KIRREL3: variants seen among roughly 807,000 people sequenced by gnomAD.
KIRREL3 encodes kin of IRRE-like protein 3.
KIRREL3 carries 36 observed loss-of-function variants against 89.7 expected under a neutral mutation model. The ratio of observed to expected loss-of-function variants is 0.40; its 90% confidence interval spans 0.31 to 0.53. The LOEUF is 0.53. Among genes scored for constraint, KIRREL3 ranks in the 20% least tolerant of loss-of-function variants. The pLI is 0.49. For missense variants in KIRREL3, 864 were observed against 1,056.6 expected (o/e 0.82, Z 2.53); for synonymous variants, 445 against 441.4 (o/e 1.01, Z -0.10).
chr11:126,453,249 A>C (rs1363171076), intron 7 of KIRREL3, among the ~76,000 whole-genome samples: 1 of 151,988 alleles, frequency 6.6e-6, no homozygotes, highest in African/African-American at 2.4e-5. Context: ...CCAAGGTTTC[A>C]TCTCGTGTGG....
rs1180381419 is a variant in KIRREL3 at position 126,909,800 on chromosome 11, A to G, written c.55+90655T>C. Reference sequence around the variant, plus strand: ...GGCTGAAGCACCGCCATTATAAAAAACTTGGTTAAAATATGGATTAATCCC... The same window carrying G: ...GGCTGAAGCACCGCCATTATAAAAAGCTTGGTTAAAATATGGATTAATCCC... On this transcript the variant is annotated intron_variant, in intron 1 of 16. Coordinates refer to ENST00000525144, the MANE Select transcript of KIRREL3 (RefSeq NM_032531.4). The surrounding 1 kb of genome is among the most constrained non-coding windows in gnomAD (Gnocchi z 4.5). Among the ~76,000 whole-genome samples, 1 of 152,198 alleles carries G rather than the reference A, an allele frequency of 6.6e-6. No individual in the cohort carries two copies. Among genetic ancestry groups the G allele is most frequent in the Non-Finnish European group, 1.5e-5 (1 of 68,032 alleles).
At chr11:126,533,470 T>C (rs2134464452) in intron 2 of KIRREL3, among the ~76,000 whole-genome samples, 1 of 152,252 alleles carries the variant, frequency 6.6e-6, no homozygotes, top group East Asian at 1.9e-4. Flanking sequence ...CTGTGTATAA[T>C]GTCCTCATGA....
At position 126,508,566 on chromosome 11, in the gene KIRREL3, G is replaced by A. The variant is rs55675175; in HGVS notation, c.433+12749C>T. Among the ~76,000 whole-genome samples the A allele has an allele frequency of 0.043, 6,533 of 152,248 alleles. 296 individuals carry two copies. Among genetic ancestry groups the A allele is most frequent in the African/African-American group, 0.12 (4,946 of 41,514 alleles). On this transcript the variant is annotated intron_variant, in intron 4 of 16. Transcript: ENST00000525144. This position sits in a 1 kb window ranked among gnomAD's most constrained non-coding sequence, Gnocchi z 4.9. ...GAAGGGTTCAAGCAGGGCTCCTGGA[G>A]TTCCCAGGGGCTAGGAAGAAACCTG...
intron 1 of KIRREL3, among the ~76,000 whole-genome samples, chr11:126,816,901 C>A (rs2134441059): frequency 6.6e-6 from 1 of 152,294 alleles, no homozygotes; most frequent in Non-Finnish European, 1.5e-5. Flanking sequence ...ATTAGCACAG[C>A]ACTGCTTCTA....
chr11:126,490,956 C>A lies in KIRREL3; in HGVS notation c.434-17490G>T, dbSNP rs1355569806. On this transcript the variant is annotated intron_variant, in intron 4 of 16. Transcript: ENST00000525144. This position sits in a 1 kb window ranked among gnomAD's most constrained non-coding sequence, Gnocchi z 4.2. ...TGCCTGAGGATCCACAGCCCACCTGCACGAGGAGGGGGCGTTTGGAGGGTG... is the reference window on the plus strand; with the variant it reads ...TGCCTGAGGATCCACAGCCCACCTGAACGAGGAGGGGGCGTTTGGAGGGTG... Among the ~76,000 whole-genome samples, 1 of 152,218 alleles carries A rather than the reference C, an allele frequency of 6.6e-6. No individual in the cohort carries two copies. The highest frequency in any genetic ancestry group is 1.5e-5 in the Non-Finnish European group (1 of 68,034).
At chr11:126,962,621 T>C (rs1006109398) in intron 1 of KIRREL3, among the ~76,000 whole-genome samples, 3 of 152,118 alleles carry the variant, frequency 2.0e-5, no homozygotes, top group Non-Finnish European at 2.9e-5. Flanking sequence ...TCCAATAAGC[T>C]TAGGTGATAA....
chr11:126,500,242 T>C (rs1295652849), intron 4 of KIRREL3, among the ~76,000 whole-genome samples: 1 of 152,172 alleles, frequency 6.6e-6, no homozygotes, highest in Non-Finnish European at 1.5e-5. Context: ...GAGGCTAGCG[T>C]GACTGACTGA....
chr11:126,857,808 C>T (rs1405595394), intron 1 of KIRREL3, among the ~76,000 whole-genome samples: 2 of 138,864 alleles, frequency 1.4e-5, no homozygotes, highest in Non-Finnish European at 3.2e-5. Flanking sequence ...GAGGCTGGGC[C>T]CTCTAGCTGC....
intron 1 of KIRREL3, among the ~76,000 whole-genome samples, chr11:126,941,492 A>C (rs1164440316): frequency 6.6e-6 from 1 of 152,114 alleles, no homozygotes; most frequent in African/African-American, 2.4e-5. Flanking sequence ...TTTTAAAATC[A>C]CTCACCAGGT....
In KIRREL3 at chr11:126,516,220, T is replaced by C. The variant is rs972724553; in HGVS notation, c.433+5095A>G. Among the ~76,000 whole-genome samples, 7 of 152,202 alleles carry C rather than the reference T, an allele frequency of 4.6e-5. No homozygotes were observed. Among genetic ancestry groups the C allele is most frequent in the Non-Finnish European group, 7.3e-5 (5 of 68,042 alleles). ...TTGACTTAGTCTCCCTCTTAAATAA[T>C]TCATGTTGATTTAGGAAGCTTTATT... On this transcript the variant is annotated intron_variant, in intron 4 of 16. Coordinates refer to ENST00000525144, the MANE Select transcript of KIRREL3 (RefSeq NM_032531.4). The surrounding 1 kb of genome is among the most constrained non-coding windows in gnomAD (Gnocchi z 4.9).
intron 1 of KIRREL3, among the ~76,000 whole-genome samples, chr11:126,907,643 A>G (rs768841809): frequency 6.6e-6 from 1 of 152,218 alleles, no homozygotes; most frequent in Non-Finnish European, 1.5e-5. Context: ...GTTTGGAGCT[A>G]AAGTCTAGAG....
At chr11:126,770,437 G>A (rs535412821) in intron 1 of KIRREL3, among the ~76,000 whole-genome samples, 2 of 152,318 alleles carry the variant, frequency 1.3e-5, no homozygotes, top group South Asian at 4.1e-4. Flanking sequence ...GCTCAGACAG[G>A]ATGTATGGTG....
chr11:126,762,413 A>T (rs1949693048), intron 1 of KIRREL3, among the ~76,000 whole-genome samples: 2 of 152,128 alleles, frequency 1.3e-5, no homozygotes, highest in Non-Finnish European at 2.9e-5. Flanking sequence ...GCATTCTTCT[A>T]CTCTTCTTTA....
At chr11:126,799,999 A>G (rs150182881) in intron 1 of KIRREL3, among the ~76,000 whole-genome samples, 160 of 152,288 alleles carry the variant, frequency 1.1e-3, no homozygotes, top group African/African-American at 3.7e-3. Context: ...TCAATCAATC[A>G]GGATCTCTGT....
chr11:126,571,100 G>T lies in KIRREL3; in HGVS notation c.56-8188C>A, dbSNP rs757983346. On this transcript the variant is annotated intron_variant, in intron 1 of 16. Coordinates refer to ENST00000525144, the MANE Select transcript of KIRREL3 (RefSeq NM_032531.4). This position sits in a 1 kb window ranked among gnomAD's most constrained non-coding sequence, Gnocchi z 7.7. ...CCTCCATGTTGGTGCTTGTTGGTGC[G>T]TCGTGCCATGCTCTGTCTCCATTCT... Among the ~76,000 whole-genome samples the T allele has an allele frequency of 6.6e-6, 1 of 152,158 alleles. No homozygotes were observed. The highest frequency in any genetic ancestry group is 1.5e-5 in the Non-Finnish European group (1 of 68,030).
At chr11:126,446,262 T>TTCTCTTTCTTTTCTTTC (rs1555106366) in intron 9 of KIRREL3, among the ~76,000 whole-genome samples, 11,697 of 132,198 alleles carry the variant, frequency 0.088, 826 homozygotes, top group Non-Finnish European at 0.14. Flanking sequence ...TTTCTTTTCT[T>TTCTCTTTCTTTTCTTTC]TCTCTCTCTT....
At chr11:126,596,724 C>G (rs1159749978) in intron 1 of KIRREL3, among the ~76,000 whole-genome samples, 2 of 152,194 alleles carry the variant, frequency 1.3e-5, no homozygotes, top group Non-Finnish European at 2.9e-5. Context: ...CTCTTCACAG[C>G]TCACCTACGC....
chr11:126,537,955 A>G lies in KIRREL3; in HGVS notation c.134-11268T>C, dbSNP rs1029228025. Among the ~76,000 whole-genome samples, 1 of 152,080 alleles carries G rather than the reference A, an allele frequency of 6.6e-6. No homozygotes were observed. The highest frequency in any genetic ancestry group is 1.5e-5 in the Non-Finnish European group (1 of 67,992). ...GAAGTTGCACCCATTAGAATGCTGC[A>G]TGGGTGGTGCAGGAGACAGTGGGTG... On this transcript the variant is annotated intron_variant, in intron 2 of 16. Coordinates refer to ENST00000525144, the MANE Select transcript of KIRREL3 (RefSeq NM_032531.4). The surrounding 1 kb of genome is among the most constrained non-coding windows in gnomAD (Gnocchi z 4.3).
rs2134674137 is a variant in KIRREL3, at chr11:126,872,555, G to A, written c.55+127900C>T. On this transcript the variant is annotated intron_variant, in intron 1 of 16. Coordinates refer to ENST00000525144, the MANE Select transcript of KIRREL3 (RefSeq NM_032531.4). This position sits in a 1 kb window ranked among gnomAD's most constrained non-coding sequence, Gnocchi z 4.2. The stretch of plus-strand genomic sequence containing the variant: ...ACCCTCCCGGACTAAGCCCCAATTT[G>A]GGGGCTCACTTCACCTGCATCATTT... Among the ~76,000 whole-genome samples, 1 of 152,280 alleles carries A rather than the reference G, an allele frequency of 6.6e-6. No homozygotes were observed. The highest frequency in any genetic ancestry group is 2.1e-4 in the South Asian group (1 of 4,826).
Sources: gnomAD v4.1 joint callset for allele counts (sites outside exome capture counted in the v4.1 genomes callset) on GRCh38, gnomAD v4.1.1 for gene constraint, Gnocchi (gnomAD v3.1) non-coding constraint, MANE v1.5 for transcripts, NCBI Gene and HGNC (gene_info 2026-07-23, HGNC 2026-07-21) for gene names.